Variants in C1orf105 observed in about 807,000 individuals in gnomAD.
The protein encoded by C1orf105 is uncharacterized protein C1orf105.
In C1orf105, 17 loss-of-function variants were observed where a neutral mutation model predicts 20.8. The ratio of observed to expected loss-of-function variants is 0.82; its 90% CI spans 0.56 to 1.23. The LOEUF (loss-of-function observed/expected upper bound fraction) is 1.23. Among genes scored for constraint, C1orf105 ranks in the 50% most tolerant of loss-of-function variants. The pLI, the probability that C1orf105 is intolerant of heterozygous loss-of-function variation, is 0.00. For missense variants in C1orf105, 219 were observed against 213.5 expected (o/e 1.03, Z -0.16); for synonymous variants, 72 against 72.1 (o/e 1.00, Z 0.01).
chr1:172,424,460 G>A (rs527929778), intron 1 of C1orf105, among the ~76,000 whole-genome samples: 11 of 152,192 alleles, frequency 7.2e-5, no homozygotes, highest in South Asian at 2.1e-4. Flanking sequence ...GCACGATCCC[G>A]GCTCACTGCC....
At chr1:172,431,324 C>A in intron 1 of C1orf105, 1 of 399,000 alleles carries the variant, frequency 2.5e-6, no homozygotes, top group Non-Finnish European at 4.4e-6. Flanking sequence ...AAGAGCCTTA[C>A]TGTTAATACA....
Position 172,456,677 on chromosome 1 carries a change from G to A in C1orf105, c.273+188G>A, listed in dbSNP as rs1022945528. On this transcript the variant is annotated intron_variant, in intron 4 of 6. Transcript: ENST00000367727. Reference sequence around the variant, plus strand: ...TGACAGAACATGATAAACCTTCTCCGTTTCAACAAGCTAAAGGGTAACCAG... The same window carrying A: ...TGACAGAACATGATAAACCTTCTCCATTTCAACAAGCTAAAGGGTAACCAG... Among the ~76,000 whole-genome samples the A allele has an allele frequency of 7.2e-5, 11 of 152,276 alleles. No individual in the cohort carries two copies. In the East Asian group the frequency reaches 1.9e-3, roughly 27 times the overall value.
At chr1:172,430,819 G>T (rs373800242) in intron 1 of C1orf105, among the ~76,000 whole-genome samples, 2 of 152,248 alleles carry the variant, frequency 1.3e-5, no homozygotes, top group African/African-American at 4.8e-5. Context: ...TGTTCCAATT[G>T]CATGTGCTCA....
At chr1:172,454,830 T>G (rs1324743803) in intron 3 of C1orf105, among the ~76,000 whole-genome samples, 1 of 152,162 alleles carries the variant, frequency 6.6e-6, no homozygotes, top group Non-Finnish European at 1.5e-5. Flanking sequence ...CCATCATACT[T>G]CTTGATGTAT....
At chr1:172,431,077 C>T in intron 1 of C1orf105, 1 of 662,068 alleles carries the variant, frequency 1.5e-6, no homozygotes, top group South Asian at 1.7e-5. Flanking sequence ...TGAGACACAA[C>T]AGTATCAAAA....
chr1:172,443,363 G>C (rs1647553297), intron 1 of C1orf105: 1 of 166,826 alleles, frequency 6.0e-6, no homozygotes, highest in South Asian at 2.1e-4. Context: ...CATGTTATTT[G>C]TATTTTTTAA....
intron 1 of C1orf105, chr1:172,442,165 G>A (rs753554974): frequency 6.2e-7 from 1 of 1,614,180 alleles, no homozygotes; most frequent in East Asian, 2.2e-5. Flanking sequence ...CATGAAGACT[G>A]ACATGGCATA....
chr1:172,457,252 G>T (rs1241189086), intron 4 of C1orf105, among the ~76,000 whole-genome samples: 1 of 152,156 alleles, frequency 6.6e-6, no homozygotes, highest in Non-Finnish European at 1.5e-5. Context: ...TAGCAACATG[G>T]TTAGGTTTGA....
intron 4 of C1orf105, among the ~76,000 whole-genome samples, chr1:172,461,392 G>C (rs1202426959): frequency 6.6e-6 from 1 of 152,168 alleles, no homozygotes; most frequent in Non-Finnish European, 1.5e-5. Flanking sequence ...AGTGAGTAGA[G>C]TAGTTGAACA....
chr1:172,440,532 A>G (rs952719860), intron 1 of C1orf105, among the ~76,000 whole-genome samples: 4 of 152,174 alleles, frequency 2.6e-5, no homozygotes, highest in Non-Finnish European at 4.4e-5. Context: ...AGATTTGATA[A>G]TTTATTTCCG....
chr1:172,453,306 A>G, intron 3 of C1orf105: 1 of 1,234,692 alleles, frequency 8.1e-7, no homozygotes, highest in Non-Finnish European at 1.1e-6. Flanking sequence ...TCGGTAGGGG[A>G]AGGGAGACTT....
chr1:172,448,681 C>T (rs2149177237), intron 3 of C1orf105, 150 bp downstream of exon 3: 1 of 575,708 alleles, frequency 1.7e-6, no homozygotes, highest in Non-Finnish European at 3.1e-6. Flanking sequence ...AATGGCCCCA[C>T]CCCCCTCACT....
At chr1:172,427,396 C>T (rs779994585) in intron 1 of C1orf105, among the ~76,000 whole-genome samples, 1 of 152,188 alleles carries the variant, frequency 6.6e-6, no homozygotes, top group African/African-American at 2.4e-5. Context: ...CAACTCTCTA[C>T]CATTTCATTT....
chr1:172,443,823 G>A (rs1432488504), intron 1 of C1orf105: 1 of 330,986 alleles, frequency 3.0e-6, no homozygotes, highest in African/African-American at 2.3e-5. Flanking sequence ...GACGGGGTAG[G>A]GTAGGGTGAC....
chr1:172,427,889 C>T (rs533075122), intron 1 of C1orf105, among the ~76,000 whole-genome samples: 55 of 152,106 alleles, frequency 3.6e-4, no homozygotes, highest in African/African-American at 1.0e-3. Context: ...CAACAAATCC[C>T]GAATTTATAT....
At chr1:172,435,187 A>G (rs1466916927) in intron 1 of C1orf105, among the ~76,000 whole-genome samples, 1 of 152,246 alleles carries the variant, frequency 6.6e-6, no homozygotes, top group Non-Finnish European at 1.5e-5. Flanking sequence ...AGCTGGTACC[A>G]TTCCTTCTGA....
intron 6 of C1orf105, among the ~76,000 whole-genome samples, chr1:172,466,573 TACACAC>T (rs3980398): frequency 0.032 from 4,722 of 147,190 alleles, 225 homozygotes; most frequent in African/African-American, 0.11. Context: ...ATGAATCACA[TACACAC>T]ACACACACAC....
intron 3 of C1orf105, among the ~76,000 whole-genome samples, chr1:172,453,597 T>A (rs932840151): frequency 2.0e-5 from 3 of 152,224 alleles, no homozygotes; most frequent in African/African-American, 4.8e-5. Flanking sequence ...ATTTGCCCAA[T>A]GTTTGTTGAA....
intron 1 of C1orf105, among the ~76,000 whole-genome samples, chr1:172,431,662 C>T (rs771191236): frequency 2.0e-5 from 3 of 152,218 alleles, no homozygotes; most frequent in Admixed American, 1.3e-4. Context: ...CTGCAGCTCC[C>T]GGCGTGATCG....
Sources: gnomAD v4.1 joint callset for allele counts (sites outside exome capture counted in the v4.1 genomes callset) on GRCh38, gnomAD v4.1.1 for gene constraint, MANE v1.5 for transcripts, NCBI Gene and HGNC (gene_info 2026-07-23, HGNC 2026-07-21) for gene names.